The following HGSNAT variants were observed in gnomAD, a reference collection of about 807,000 sequenced individuals.
HGSNAT encodes the protein heparan-alpha-glucosaminide N-acetyltransferase, also known as transmembrane protein 76.
In HGSNAT, 59 loss-of-function variants were observed where a neutral mutation model predicts 85.2. The ratio of observed to expected loss-of-function variants is 0.69; its 90% confidence interval spans 0.56 to 0.86. The LOEUF is 0.86. Among genes scored for constraint, HGSNAT ranks in the 40% least tolerant of loss-of-function variants. The pLI is 0.00. For missense variants in HGSNAT, 756 were observed against 777.1 expected (o/e 0.97, Z 0.32); for synonymous variants, 321 against 304.5 (o/e 1.05, Z -0.56).
chr8:43,170,219 C>T (rs1399621071), intron 6 of HGSNAT, among the ~76,000 whole-genome samples: 1 of 152,208 alleles, frequency 6.6e-6, no homozygotes, highest in Non-Finnish European at 1.5e-5. Flanking sequence ...CGGTGACTCA[C>T]GTCTGTAATC....
intron 13 of HGSNAT, 35 bp from the exon 14 acceptor site, chr8:43,193,722 T>C: frequency 2.8e-6 from 4 of 1,409,312 alleles, no homozygotes; most frequent in Middle Eastern, 1.8e-4. Context: ...TTCAGATCAG[T>C]GAGTGAGTGC....
rs748856646 is a variant in HGSNAT, at chr8:43,158,636, C to T, written c.296C>T (p.Ala99Val). 2 of 1,613,730 alleles carry T rather than the reference C, an allele frequency of 1.2e-6. No homozygotes were observed. The highest frequency in any genetic ancestry group is 4.5e-5 in the East Asian group (2 of 44,876). ...CCAAAAGCAGGGAAGCCTAGTGCTG[C>T]AGCTGCCTCTGTCAGCACCCAGCAC... is the stretch of plus-strand genomic sequence containing the variant. Reference protein sequence around the residue: ...QSPKAGKPSAAAASVSTQHGS... With the variant: ...QSPKAGKPSAVAASVSTQHGS... Residue 99 changes from alanine to valine, a missense_variant, in exon 3 of 18, where the codon GCA (alanine) becomes GTA (valine). By Grantham distance (64) the Ala-to-Val change is moderately conservative. Coordinates refer to ENST00000379644, the MANE Select transcript of HGSNAT (RefSeq NM_152419.3).
chr8:43,175,161 T>C (rs2130758799), intron 9 of HGSNAT, among the ~76,000 whole-genome samples: 1 of 152,324 alleles, frequency 6.6e-6, no homozygotes. Flanking sequence ...CTTCCAGATC[T>C]TGGCTATTGT....
intron 11 of HGSNAT, among the ~76,000 whole-genome samples, chr8:43,185,834 G>T (rs1047600222): frequency 2.6e-5 from 4 of 152,192 alleles, no homozygotes; most frequent in Non-Finnish European, 4.4e-5. Flanking sequence ...TTTATTGAAA[G>T]TTTTTAGCAT....
intron 5 of HGSNAT, among the ~76,000 whole-genome samples, chr8:43,167,228 A>G (rs1048908660): frequency 3.3e-5 from 5 of 152,246 alleles, no homozygotes; most frequent in Admixed American, 3.3e-4. Flanking sequence ...GAGCAGAGGC[A>G]GAGTTTGAGA....
intron 10 of HGSNAT, 23 bp downstream of exon 10, chr8:43,178,257 A>G: frequency 1.4e-6 from 2 of 1,456,570 alleles, no homozygotes; most frequent in Non-Finnish European, 1.8e-6. Context: ...TCCCTCTGTT[A>G]TATATATTCA....
chr8:43,162,923 C>T (rs371324435), intron 5 of HGSNAT, among the ~76,000 whole-genome samples: 25 of 152,116 alleles, frequency 1.6e-4, no homozygotes, highest in African/African-American at 3.1e-4. Context: ...CGGTGGCTCA[C>T]GCCTCTAATA....
chr8:43,190,068 A>C (rs1294424157), intron 11 of HGSNAT, among the ~76,000 whole-genome samples: 1 of 152,192 alleles, frequency 6.6e-6, no homozygotes, highest in African/African-American at 2.4e-5. Flanking sequence ...AATTTTGAGG[A>C]TAATCCCCAG....
intron 15 of HGSNAT, 62 bp downstream of exon 15, chr8:43,197,087 A>C: frequency 8.6e-7 from 1 of 1,165,128 alleles, no homozygotes; most frequent in Non-Finnish European, 1.3e-6. Context: ...ATTTAAAAGG[A>C]ATAAAATGTT....
rs1312600583 is a variant in HGSNAT at position 43,172,306 on chromosome 8, C to G, written c.744-4C>G. The G allele has an allele frequency of 1.2e-6, 2 of 1,607,682 alleles. No homozygotes were observed. The highest frequency in any genetic ancestry group is 1.1e-5 in the South Asian group (1 of 90,978). On this transcript the variant is annotated splice_region_variant and splice_polypyrimidine_tract_variant and intron_variant, in intron 7 of 17. Transcript: ENST00000379644. ...AAAGGCTTCTCTTTGTTGGCTTCTTCTAGGATTGCTCTTATACTCATGGTC... is the reference window on the plus strand; with the variant it reads ...AAAGGCTTCTCTTTGTTGGCTTCTTGTAGGATTGCTCTTATACTCATGGTC...
chr8:43,169,206 C>T lies in HGSNAT; in HGVS notation c.597C>T (p.Ala199=). 1 of 1,583,498 alleles carries T rather than the reference C, an allele frequency of 6.3e-7. No individual in the cohort carries two copies. The stretch of plus-strand genomic sequence containing the variant: ...ACTTTAACAATTGGATTTCTAAAGC[C>T]ATAAGTTCTCGAGAAACTGATCGCC... The part of the protein sequence containing the change: ...LDDFNNWISK[A]ISSRETDRLI... The change falls in exon 6 of 18, where the codon GCC becomes GCT. Residue 199 remains alanine (A), a synonymous_variant. Transcript: ENST00000379644.
chr8:43,175,702 A>AT (rs1803787435), intron 9 of HGSNAT, among the ~76,000 whole-genome samples: 1 of 150,298 alleles, frequency 6.7e-6, no homozygotes, highest in Admixed American at 6.7e-5. Flanking sequence ...AGTAGCTGGG[A>AT]TTACAGGTGC....
chr8:43,183,618 C>A (rs1271765312), intron 11 of HGSNAT, among the ~76,000 whole-genome samples: 1 of 152,096 alleles, frequency 6.6e-6, no homozygotes, highest in Non-Finnish European at 1.5e-5. Flanking sequence ...CTACAGGCGC[C>A]CGCCACCACT....
chr8:43,170,172 A>G (rs184352731), intron 6 of HGSNAT, among the ~76,000 whole-genome samples: 1 of 152,282 alleles, frequency 6.6e-6, no homozygotes, highest in East Asian at 1.9e-4. Context: ...ACTATATCAC[A>G]TTCTTTCCTA....
chr8:43,182,545 G>A, intron 11 of HGSNAT: 1 of 423,864 alleles, frequency 2.4e-6, no homozygotes, highest in Non-Finnish European at 4.4e-6. Flanking sequence ...CCAGGCTTAA[G>A]CGATCCTCCC....
At position 43,181,869 on chromosome 8, in the gene HGSNAT, GTTCTTATC is replaced by G. The variant is rs1331235110; in HGVS notation, c.1013-275_1013-268del. On this transcript the variant is annotated intron_variant, in intron 10 of 17. Coordinates refer to ENST00000379644, the MANE Select transcript of HGSNAT (RefSeq NM_152419.3). ...CCCCACACCTGAGTAAGACGCTTTG[GTTCTTATC>G]CCAGTCTCTCATCTGGCCAGCTTCC... 8.7e-6 allele frequency: 4 copies of G among 460,612 alleles called. No homozygotes were observed. In the Admixed American group the frequency reaches 1.1e-4, roughly 13 times the overall value. The allele number at this position is 460,612 out of a possible 1,614,324, so 28.5% of individuals were successfully genotyped here. A position where few individuals can be genotyped will look rare whatever the true frequency, so the allele number is the denominator to read the frequency against.
rs781408761 is a variant in HGSNAT, at chr8:43,159,049, G to A, written c.493+5G>A. 5.0e-6 allele frequency: 8 copies of A among 1,608,008 alleles called. No homozygotes were observed. The highest frequency in any genetic ancestry group is 1.1e-5 in the South Asian group (1 of 89,574). ...ATCCAGTTGATAGTAACCTTCGTAC[G>A]TATATGTTCTCTGCTGATTTTCACA... On this transcript the variant is annotated splice_donor_5th_base_variant and intron_variant, in intron 4 of 17. Transcript: ENST00000379644.
chr8:43,196,517 G>C, intron 14 of HGSNAT: 1 of 1,290,348 alleles, frequency 7.7e-7, no homozygotes, highest in Non-Finnish European at 1.0e-6. Context: ...CTGCCTGGAA[G>C]TAAGAGCCAC....
chr8:43,195,407 T>A (rs1804670010), intron 14 of HGSNAT, among the ~76,000 whole-genome samples: 1 of 151,990 alleles, frequency 6.6e-6, no homozygotes, highest in South Asian at 2.1e-4. Context: ...GAAAATCTAG[T>A]CCTATTCATT....
Sources: allele counts gnomAD v4.1 joint callset (sites outside exome capture counted in the v4.1 genomes callset), GRCh38; gene constraint gnomAD v4.1.1; transcripts MANE v1.5; gene names NCBI Gene and HGNC (gene_info 2026-07-23, HGNC 2026-07-21).